Variants in MYZAP observed in about 807,000 individuals in gnomAD.
The protein encoded by MYZAP is myocardial zonula adherens protein, also known as GRINL1A complex locus upstream.
A neutral mutation model predicts 69.4 loss-of-function variants in MYZAP; 66 were observed. The ratio of observed to expected loss-of-function variants is 0.95; its 90% confidence interval spans 0.78 to 1.17. MYZAP has a LOEUF of 1.17. Among genes scored for constraint, MYZAP ranks in the 50% most tolerant of loss-of-function variants. The pLI is 0.00. For synonymous variants in MYZAP, 256 were observed against 205.9 expected (o/e 1.24, Z -2.09); for missense variants, 611 against 556.2 (o/e 1.10, Z -0.99).
rs1165828166 is a variant in MYZAP, at chr15:57,607,771, G to C, written c.162+3416G>C. Among the ~76,000 whole-genome samples, 3 of 152,332 alleles carry C rather than the reference G, an allele frequency of 2.0e-5. No homozygotes were observed. In the East Asian group the frequency reaches 5.8e-4, roughly 29 times the overall value. ...AGGGTGGGGCTGTTGTTTCCCTAGG[G>C]ATGAAGTCCTTGGGTGGTGGCAGCC... On this transcript the variant is annotated intron_variant, in intron 2 of 12. Transcript: ENST00000267853.
At chr15:57,619,562 G>T (rs1352784500) in intron 3 of MYZAP, among the ~76,000 whole-genome samples, 4 of 152,094 alleles carry the variant, frequency 2.6e-5, no homozygotes, top group Admixed American at 2.6e-4. Flanking sequence ...TAGAGACCCA[G>T]ACTGGTCTCA....
chr15:57,650,769 G>T (rs1480422565), intron 10 of MYZAP, among the ~76,000 whole-genome samples: 4 of 152,152 alleles, frequency 2.6e-5, no homozygotes, highest in Non-Finnish European at 5.9e-5. Context: ...TTGTAGGATG[G>T]GTTGGATTTT....
At chr15:57,596,496 A>G (rs775175273) in intron 1 of MYZAP, among the ~76,000 whole-genome samples, 2 of 152,210 alleles carry the variant, frequency 1.3e-5, no homozygotes, top group Non-Finnish European at 2.9e-5. Flanking sequence ...GAAGAGCAAT[A>G]CAGTGGTGTT....
Position 57,684,430 on chromosome 15 carries a change from A to G in MYZAP, c.1333A>G (p.Met445Val). ...SQTGRTREIV[M>V]PSRNYTPYTR... ...AACAGGCAGGACTCGTGAAATTGTG[A>G]TGCCTTCTAGGAACTACACCCCATA... Residue 445 changes from methionine (M) to valine (V), a missense_variant, in exon 13 of 13, where the codon ATG becomes GTG. Met to Val is a conservative substitution (Grantham distance 21). Transcript: ENST00000267853. 1 of 1,613,122 alleles carries G rather than the reference A, an allele frequency of 6.2e-7. No homozygotes were observed. The highest frequency in any genetic ancestry group is 8.5e-7 in the Non-Finnish European group (1 of 1,179,712).
At chr15:57,597,264 T>C (rs2034120881) in intron 1 of MYZAP, among the ~76,000 whole-genome samples, 1 of 152,206 alleles carries the variant, frequency 6.6e-6, no homozygotes, top group Non-Finnish European at 1.5e-5. Context: ...CAACCAGTTA[T>C]ACACAGAATC....
At chr15:57,601,217 G>A (rs137978054) in intron 1 of MYZAP, among the ~76,000 whole-genome samples, 74 of 152,278 alleles carry the variant, frequency 4.9e-4, no homozygotes, top group Middle Eastern at 6.8e-3. Context: ...GCTAGTAGAT[G>A]TTGGAGCCTG....
At chr15:57,614,965 ACTTT>A (rs2140369464) in intron 2 of MYZAP, among the ~76,000 whole-genome samples, 1 of 152,098 alleles carries the variant, frequency 6.6e-6, no homozygotes, top group Admixed American at 6.6e-5. Flanking sequence ...TTCTTCAGTA[ACTTT>A]CTTCTTCACT....
At chr15:57,634,349 G>T (rs1014482264) in intron 8 of MYZAP, among the ~76,000 whole-genome samples, 1 of 152,146 alleles carries the variant, frequency 6.6e-6, no homozygotes, top group Non-Finnish European at 1.5e-5. Context: ...AGAAAGGATG[G>T]GTGACCTTTA....
intron 2 of MYZAP, among the ~76,000 whole-genome samples, chr15:57,606,153 T>C (rs1408686022): frequency 1.3e-5 from 2 of 152,166 alleles, no homozygotes; most frequent in African/African-American, 4.8e-5. Context: ...CCCCAGCGGA[T>C]TACTGATTCT....
chr15:57,599,369 C>A, intron 1 of MYZAP: 4 of 600,590 alleles, frequency 6.7e-6, no homozygotes, highest in African/African-American at 2.8e-5. Flanking sequence ...TTTTTTTTTG[C>A]CATCGTCGTA....
At chr15:57,595,095 AG>A (rs1439762016) in intron 1 of MYZAP, among the ~76,000 whole-genome samples, 3 of 152,220 alleles carry the variant, frequency 2.0e-5, no homozygotes, top group African/African-American at 7.2e-5. Flanking sequence ...CCAGCTGCCA[AG>A]GGTTATGTGG....
At chr15:57,609,551 C>T (rs1227168791) in intron 2 of MYZAP, among the ~76,000 whole-genome samples, 3 of 152,182 alleles carry the variant, frequency 2.0e-5, no homozygotes, top group Non-Finnish European at 4.4e-5. Context: ...TTAACTTGAC[C>T]TGCTCTCCAT....
chr15:57,633,230 G>A (rs2036612940), intron 7 of MYZAP, among the ~76,000 whole-genome samples: 1 of 152,178 alleles, frequency 6.6e-6, no homozygotes, highest in Non-Finnish European at 1.5e-5. Flanking sequence ...TGCATTATGG[G>A]AGAAGGATCT....
intron 11 of MYZAP, among the ~76,000 whole-genome samples, chr15:57,669,005 C>T (rs1178129443): frequency 2.6e-5 from 4 of 151,576 alleles, no homozygotes; most frequent in Non-Finnish European, 4.4e-5. Context: ...TCTCCTACCT[C>T]TCAGCCTCCT....
intron 4 of MYZAP, among the ~76,000 whole-genome samples, chr15:57,622,330 A>C (rs2140400188): frequency 6.6e-6 from 1 of 152,338 alleles, no homozygotes; most frequent in African/African-American, 2.4e-5. Context: ...AAGATTCAGC[A>C]TCATAAGATC....
At chr15:57,658,489 C>T (rs1194769900) in intron 10 of MYZAP, among the ~76,000 whole-genome samples, 3 of 152,154 alleles carry the variant, frequency 2.0e-5, no homozygotes, top group African/African-American at 4.8e-5. Context: ...TCTAAAGTCT[C>T]CTAATCTAGA....
intron 10 of MYZAP, among the ~76,000 whole-genome samples, chr15:57,641,163 G>A (rs1436322257): frequency 6.6e-6 from 1 of 152,128 alleles, no homozygotes; most frequent in East Asian, 1.9e-4. Context: ...AATCGTTAGA[G>A]AACTATTGAA....
chr15:57,599,506 C>T (rs942965111), intron 1 of MYZAP: 8 of 1,209,686 alleles, frequency 6.6e-6, no homozygotes, highest in Middle Eastern at 3.6e-4. Context: ...ACAGCTGGTT[C>T]GGTAGCAGTG....
At chr15:57,624,499 T>G (rs138113371) in intron 4 of MYZAP, among the ~76,000 whole-genome samples, 2,249 of 152,336 alleles carry the variant, frequency 0.015, 29 homozygotes, top group South Asian at 0.045. Flanking sequence ...CCATTCCCAC[T>G]GGCATGTGGG....
Sources: allele counts gnomAD v4.1 joint callset (sites outside exome capture counted in the v4.1 genomes callset), GRCh38; gene constraint gnomAD v4.1.1; transcripts MANE v1.5; gene names NCBI Gene and HGNC (gene_info 2026-07-23, HGNC 2026-07-21).